The following NAV1 variants were observed in gnomAD, a reference collection of about 807,000 sequenced individuals.
NAV1 encodes pore membrane and/or filament interacting like protein 3.
Under a neutral mutation model 175.2 loss-of-function variants are expected in NAV1, and 18 were observed. The ratio of observed to expected loss-of-function variants is 0.10; its 90% CI spans 0.07 to 0.15. The LOEUF (loss-of-function observed/expected upper bound fraction) is 0.15. Among genes scored for constraint, NAV1 ranks in the 10% least tolerant of loss-of-function variants. NAV1 has a pLI of 1.00. For synonymous variants in NAV1, 897 were observed against 978.7 expected (o/e 0.92, Z 1.56); for missense variants, 1,731 against 2,436.6 (o/e 0.71, Z 6.10).
intron 2 of NAV1, among the ~76,000 whole-genome samples, chr1:201,607,498 T>A (rs1272920): frequency 0.36 from 54,073 of 151,476 alleles, 10,915 homozygotes; most frequent in African/African-American, 0.54. Context: ...AGACTTTATT[T>A]TTATTATTTT....
At position 201,785,499 on chromosome 1, in the gene NAV1, C is replaced by CT; in HGVS notation, c.2846+149dup. 10 of 808,102 alleles carry CT rather than the reference C, an allele frequency of 1.2e-5. No individual in the cohort carries two copies. The South Asian group carries it at 1.7e-4, about 14-fold the overall frequency. 50.1% of individuals were successfully genotyped at this position (808,102 alleles called of 1,614,324 possible). A position where few individuals can be genotyped will look rare whatever the true frequency, so the allele number is the denominator to read the frequency against. On this transcript the variant is annotated intron_variant, in intron 8 of 29. Coordinates refer to ENST00000367296, the Ensembl canonical transcript of NAV1. ...GTATGTGGTCCCATACAAGTACCAC[C>CT]TAGTACCTTGCCCAAGCTTAATATT...
intron 3 of NAV1, among the ~76,000 whole-genome samples, chr1:201,759,737 G>T (rs1674725768): frequency 6.6e-6 from 1 of 152,188 alleles, no homozygotes; most frequent in Non-Finnish European, 1.5e-5. Context: ...GGATTGCTTT[G>T]CTACAATGGA....
At chr1:201,655,407 T>TC (rs1669363192) in intron 1 of NAV1, among the ~76,000 whole-genome samples, 1 of 152,188 alleles carries the variant, frequency 6.6e-6, no homozygotes, top group African/African-American at 2.4e-5. Context: ...GTGTTTGATG[T>TC]CCCAGAGCCT....
At chr1:201,578,062 C>A (rs1249228811) in intron 1 of NAV1, among the ~76,000 whole-genome samples, 1 of 152,100 alleles carries the variant, frequency 6.6e-6, no homozygotes, top group Non-Finnish European at 1.5e-5. Flanking sequence ...ACTATTTTTT[C>A]TTGGAGTACT....
intron 3 of NAV1, chr1:201,739,942 G>C (rs1673295197): frequency 1.5e-6 from 2 of 1,366,348 alleles, no homozygotes; most frequent in Non-Finnish European, 1.9e-6. Flanking sequence ...ATACCTTTTC[G>C]GGTGTCCCCG....
rs368770314 is a variant in NAV1 at position 201,561,746 on chromosome 1, T to TGGCTGTGTTC, written c.-144+22405_-144+22414dup. ...ATCTGGTTAAGGACAAGGCTGTGTTTGGCTGTGTTCCCTACTCAGCCTGGG... is the reference window on the plus strand; with the variant it reads ...ATCTGGTTAAGGACAAGGCTGTGTTTGGCTGTGTTCGGCTGTGTTCCCTACTCAGCCTGGG... On this transcript the variant is annotated intron_variant, in intron 1 of 33. Transcript: ENST00000685211. Among the ~76,000 whole-genome samples the TGGCTGTGTTC allele has an allele frequency of 2.0e-5, 3 of 152,256 alleles. No individual in the cohort carries two copies. In the East Asian group the frequency reaches 5.8e-4, roughly 29 times the overall value.
Position 201,743,584 on chromosome 1 carries a change from T to G in NAV1, c.1226+24829T>G, listed in dbSNP as rs74231058. Among the ~76,000 whole-genome samples the G allele has an allele frequency of 1.7e-3, 266 of 152,348 alleles. 2 individuals are homozygous for G. In the East Asian group the frequency reaches 0.031, roughly 18 times the overall value. ...AATGCTTTAAACATGTGGGCTTTGA[T>G]AAGTGGAATTATGACCACGTGAAGT... On this transcript the variant is annotated intron_variant, in intron 3 of 29. Transcript: ENST00000367296.
At chr1:201,613,440 T>C (rs1667911376) in intron 2 of NAV1, among the ~76,000 whole-genome samples, 1 of 152,170 alleles carries the variant, frequency 6.6e-6, no homozygotes, top group African/African-American at 2.4e-5. Flanking sequence ...AATTTACTAA[T>C]TGGAAATTTG....
At chr1:201,649,741 A>G (rs928397550) in intron 1 of NAV1, among the ~76,000 whole-genome samples, 2 of 152,218 alleles carry the variant, frequency 1.3e-5, no homozygotes, top group African/African-American at 4.8e-5. Flanking sequence ...CAGAATCCCA[A>G]TATGGCAAAA....
chr1:201,577,472 A>ATTTTTTTTTT (rs36112197), intron 1 of NAV1, among the ~76,000 whole-genome samples: 4 of 97,910 alleles, frequency 4.1e-5, no homozygotes, highest in East Asian at 3.2e-4. Flanking sequence ...TGAGACTTAG[A>ATTTTTTTTTT]TTTTTTTTTT....
chr1:201,752,832 G>A (rs961872701), intron 3 of NAV1, among the ~76,000 whole-genome samples: 1 of 152,142 alleles, frequency 6.6e-6, no homozygotes, highest in Non-Finnish European at 1.5e-5. Flanking sequence ...CATGGTGTGA[G>A]GAAACTGTTC....
intron 2 of NAV1, among the ~76,000 whole-genome samples, chr1:201,614,875 GATA>G (rs1667958027): frequency 6.6e-6 from 1 of 152,242 alleles, no homozygotes; most frequent in Non-Finnish European, 1.5e-5. Flanking sequence ...AAGTGGGAAT[GATA>G]ATAATAGCAC....
At position 201,788,445 on chromosome 1, in the gene NAV1, C is replaced by T. The variant is rs760041005; in HGVS notation, c.2996-23C>T. On this transcript the variant is annotated intron_variant, in intron 9 of 29. Coordinates refer to ENST00000367296, the Ensembl canonical transcript of NAV1. This position sits in a 1 kb window ranked among gnomAD's most constrained non-coding sequence, Gnocchi z 5.7. ...CCTGCCCTCCTGCTCCCTCTCCTGT[C>T]CCCCTTCCCTCTGTCCTTCCAGTGA... 2.5e-6 allele frequency: 4 copies of T among 1,613,552 alleles called. No homozygotes were observed. Among genetic ancestry groups the T allele is most frequent in the South Asian group, 1.1e-5 (1 of 91,078 alleles).
In NAV1 at chr1:201,800,695, A is replaced by T. The variant is rs1269626517; in HGVS notation, c.3518-2898A>T. Among the ~76,000 whole-genome samples, 5 of 152,338 alleles carry T rather than the reference A, an allele frequency of 3.3e-5. No individual in the cohort carries two copies. In the East Asian group the frequency reaches 9.6e-4, roughly 29 times the overall value. ...TCAAATCCCAATCCGCAGAGGTAAG[A>T]ACTGCTAATAGTTTTAATCTTGCCA... On this transcript the variant is annotated intron_variant, in intron 15 of 29. Coordinates refer to ENST00000367296, the Ensembl canonical transcript of NAV1.
intron 2 of NAV1, among the ~76,000 whole-genome samples, chr1:201,613,127 T>A (rs1452068601): frequency 6.6e-5 from 10 of 152,270 alleles, no homozygotes; most frequent in African/African-American, 2.4e-4. Context: ...CCATTTCCTG[T>A]CTCTGAACAG....
At chr1:201,700,478 C>T (rs1671368218) in intron 1 of NAV1, among the ~76,000 whole-genome samples, 1 of 152,206 alleles carries the variant, frequency 6.6e-6, no homozygotes, top group Non-Finnish European at 1.5e-5. Flanking sequence ...AACGCTTTTA[C>T]ACTGTTGGTG....
chr1:201,599,603 G>C (rs1217355897), intron 2 of NAV1, among the ~76,000 whole-genome samples: 1 of 152,162 alleles, frequency 6.6e-6, no homozygotes, highest in Non-Finnish European at 1.5e-5. Context: ...GGCCCACTTC[G>C]ATGCTCAAGT....
rs114628452 is a variant in NAV1 at position 201,601,397 on chromosome 1, C to A, written c.-33+12748C>A. ...ACTTGGGAGACTAAGGTGGGAGGAT[C>A]GCTTGAGCCTGGGAGGTTGAGGCTG... On this transcript the variant is annotated intron_variant, in intron 2 of 33. Transcript: ENST00000685211. Among the ~76,000 whole-genome samples the A allele has an allele frequency of 3.9e-5, 6 of 152,240 alleles. No individual in the cohort carries two copies. In the South Asian group the frequency reaches 1.0e-3, roughly 26 times the overall value.
chr1:201,663,066 G>A (rs761817647), intron 1 of NAV1, among the ~76,000 whole-genome samples: 6 of 152,086 alleles, frequency 3.9e-5, no homozygotes, highest in South Asian at 2.1e-4. Context: ...TTCTGCCCCC[G>A]GTCCATGTGG....
Sources: gnomAD v4.1 joint callset for allele counts (sites outside exome capture counted in the v4.1 genomes callset) on GRCh38, gnomAD v4.1.1 for gene constraint, Gnocchi (gnomAD v3.1) non-coding constraint, MANE v1.5 for transcripts, NCBI Gene and HGNC (gene_info 2026-07-23, HGNC 2026-07-21) for gene names.